The following MZT2A variants were observed in gnomAD, a reference collection of about 807,000 sequenced individuals.
The protein encoded by MZT2A is mitotic spindle organizing protein 2A, also known as mitotic-spindle organizing protein 2A.
A neutral mutation model predicts 12.4 loss-of-function variants in MZT2A; 8 were observed. The observed-to-expected ratio is 0.64, with a 90% CI of 0.38 to 1.16. The LOEUF is 1.16. Ranked by LOEUF, MZT2A falls within the 50% of genes most tolerant of loss-of-function variation. MZT2A has a pLI of 0.01. For synonymous variants in MZT2A, 88 were observed against 107.5 expected, an observed-to-expected ratio of 0.82 and a Z score of 1.12; for missense variants, 181 against 223.6, an observed-to-expected ratio of 0.81 and a Z score of 1.22.
chr2:131,471,513 T>G lies in MZT2A; in HGVS notation c.393+555A>C, dbSNP rs572221960. ...GTGTTATTACTATACTTAATGGCAT[T>G]TGAATATAAAGTTCACATATCTTAC... is the stretch of plus-strand genomic sequence containing the variant. On this transcript the variant is annotated intron_variant and NMD_transcript_variant, in intron 3 of 4. Coordinates refer to the MZT2A transcript ENST00000427024. Among the ~76,000 whole-genome samples, 18 of 149,314 alleles carry G rather than the reference T, an allele frequency of 1.2e-4. No homozygotes were observed. The South Asian group carries it at 3.8e-3, about 31-fold the overall frequency.
chr2:131,476,347 G>A, intron 2 of MZT2A: 16 of 1,434,728 alleles, frequency 1.1e-5, no homozygotes, highest in Non-Finnish European at 1.3e-5. Context: ...GAGGACACGG[G>A]ATCGTTTCCT....
At chr2:131,478,599 G>A (rs1415051639) in intron 2 of MZT2A, 8 of 828,418 alleles carry the variant, frequency 9.7e-6, no homozygotes, top group Admixed American at 8.9e-5. Context: ...ACAGGGAAAA[G>A]CTGCTTTGCC....
At chr2:131,493,540 G>C (rs1292476072), upstream of MZT2A, among the ~76,000 whole-genome samples, 1 of 152,148 alleles carries the variant, frequency 6.6e-6, no homozygotes, top group Non-Finnish European at 1.5e-5. Flanking sequence ...CCTTGGTTTC[G>C]GAGGCTCCCG....
At chr2:131,493,075 C>T, upstream of MZT2A, 3 of 1,495,346 alleles carry the variant, frequency 2.0e-6, no homozygotes, top group Non-Finnish European at 2.7e-6. Flanking sequence ...TTGATGACGA[C>T]GTTTTGGCGC....
exon 3 of MZT2A, chr2:131,472,085 T>C (rs1704999479): frequency 7.7e-7 from 1 of 1,290,472 alleles, no homozygotes; most frequent in Non-Finnish European, 1.0e-6. Flanking sequence ...ATGTCCTCCT[T>C]CTCCTGCCAC....
chr2:131,481,100 C>T (rs571809187), downstream of MZT2A, among the ~76,000 whole-genome samples: 16 of 151,444 alleles, frequency 1.1e-4, no homozygotes, highest in East Asian at 2.0e-4. Context: ...GATGGGGTTT[C>T]GCCATGTTGG....
chr2:131,474,449 G>C (rs1573852918), intron 2 of MZT2A, among the ~76,000 whole-genome samples: 1 of 102,944 alleles, frequency 9.7e-6, no homozygotes, highest in Non-Finnish European at 1.9e-5. Context: ...TCACTCTATT[G>C]CCCAGGCTGG....
chr2:131,478,232 C>A, intron 2 of MZT2A: 1 of 1,614,106 alleles, frequency 6.2e-7, no homozygotes, highest in Non-Finnish European at 8.5e-7. Context: ...GGGAACTGTA[C>A]TGCCTTGAAC....
At chr2:131,491,545 C>A (rs1048525273) in intron 2 of MZT2A, 38 of 477,394 alleles carry the variant, frequency 8.0e-5, no homozygotes, top group Non-Finnish European at 1.1e-4. Context: ...TAGGCGTGAG[C>A]CACGGCGCCC....
chr2:131,480,589 C>A, downstream of MZT2A: 2 of 1,611,832 alleles, frequency 1.2e-6, no homozygotes, highest in Admixed American at 3.3e-5. Context: ...TTCGAGCCAG[C>A]CAATCAAATG....
intron 2 of MZT2A, 135 bp from the exon 3 acceptor site, chr2:131,484,353 C>G (rs1573866984): frequency 7.3e-7 from 1 of 1,375,128 alleles, no homozygotes; most frequent in East Asian, 2.5e-5. Flanking sequence ...GGCCCTGCAT[C>G]AGCCCCAAGT....
intron 2 of MZT2A, chr2:131,478,292 C>T (rs192847364): frequency 6.8e-6 from 11 of 1,613,874 alleles, no homozygotes; most frequent in East Asian, 6.7e-5. Context: ...CCATTGGTGG[C>T]GGGGACGACT....
At chr2:131,492,494 G>GGGAACGGCA (rs1553503211), upstream of MZT2A, 6 of 1,131,898 alleles carry the variant, frequency 5.3e-6, no homozygotes, top group Admixed American at 1.5e-4. Flanking sequence ...CGGGAGCGGC[G>GGGAACGGCA]GGAGCGCGGG....
At chr2:131,484,674 C>G (rs750748825) in intron 2 of MZT2A, among the ~76,000 whole-genome samples, 6 of 152,212 alleles carry the variant, frequency 3.9e-5, no homozygotes, top group Non-Finnish European at 7.3e-5. Flanking sequence ...CAGATGGTGA[C>G]AGGCAGGAAG....
chr2:131,487,038 T>C (rs1679078061), intron 2 of MZT2A, among the ~76,000 whole-genome samples: 1 of 152,124 alleles, frequency 6.6e-6, no homozygotes, highest in Non-Finnish European at 1.5e-5. Flanking sequence ...CGGGAGGGGC[T>C]ACTGAGTCAG....
At chr2:131,477,365 A>G (rs1159881456) in intron 2 of MZT2A, among the ~76,000 whole-genome samples, 1 of 152,216 alleles carries the variant, frequency 6.6e-6, no homozygotes, top group African/African-American at 2.4e-5. Flanking sequence ...ACCAAAGGAC[A>G]GTGCAGTGTC....
downstream of MZT2A, chr2:131,482,976 C>T (rs28581491): frequency 0.1 from 149,188 of 1,466,988 alleles, 11,956 homozygotes; most frequent in African/African-American, 0.43. Flanking sequence ...CTACAGGAGC[C>T]GGTGGGACCC....
intron 2 of MZT2A, chr2:131,490,966 G>A (rs1679271711): frequency 3.2e-6 from 5 of 1,548,580 alleles, no homozygotes; most frequent in African/African-American, 1.4e-5. Context: ...GCAGGTGCCC[G>A]GGCCCTCTTG....
At chr2:131,482,855 G>C (rs1163044274), downstream of MZT2A, 4 of 1,610,526 alleles carry the variant, frequency 2.5e-6, no homozygotes, top group African/African-American at 5.3e-5. Context: ...CTGAGGGGAG[G>C]GTGTGGTGGG....
Sources: gnomAD v4.1 joint callset for allele counts (sites outside exome capture counted in the v4.1 genomes callset) on GRCh38, gnomAD v4.1.1 for gene constraint, MANE v1.5 for transcripts, NCBI Gene and HGNC (gene_info 2026-07-23, HGNC 2026-07-21) for gene names.